The following ATXN1 variants were observed in gnomAD, a reference collection of about 807,000 sequenced individuals.
ATXN1 encodes the protein ataxin-1.
In ATXN1, 8 loss-of-function variants were observed where a neutral mutation model predicts 56.4. The ratio of observed to expected loss-of-function variants is 0.14; its 90% CI spans 0.08 to 0.26. The LOEUF (loss-of-function observed/expected upper bound fraction) is 0.26, where lower values mean the gene tolerates loss of function less well. Among genes scored for constraint, ATXN1 ranks in the 10% least tolerant of loss-of-function variants. The pLI is 1.00. For missense variants in ATXN1, 987 were observed against 1,106.5 expected, an observed-to-expected ratio of 0.89 and a Z score of 1.53; for synonymous variants, 514 against 494.6, an observed-to-expected ratio of 1.04 and a Z score of -0.52.
intron 3 of ATXN1, among the ~76,000 whole-genome samples, chr6:16,589,269 C>A (rs955844069): frequency 9.2e-5 from 14 of 152,242 alleles, no homozygotes; most frequent in African/African-American, 2.9e-4. Flanking sequence ...GTCCATCTCT[C>A]CCACCACAAC....
chr6:16,413,081 A>C (rs1758831477), intron 6 of ATXN1, among the ~76,000 whole-genome samples: 1 of 152,224 alleles, frequency 6.6e-6, no homozygotes, highest in Non-Finnish European at 1.5e-5. Flanking sequence ...GAAATGAAGA[A>C]AGGGGAAGGG....
intron 5 of ATXN1, among the ~76,000 whole-genome samples, chr6:16,500,903 TAGACA>T (rs1466476908): frequency 6.6e-6 from 1 of 152,224 alleles, no homozygotes; most frequent in Non-Finnish European, 1.5e-5. Context: ...GTTCTTATAA[TAGACA>T]AGACACAATT....
At position 16,324,233 on chromosome 6, in the gene ATXN1, A is replaced by G. The variant is rs371469830; in HGVS notation, c.1917+2161T>C. Among the ~76,000 whole-genome samples, 60 of 152,282 alleles carry G rather than the reference A, an allele frequency of 3.9e-4. No individual in the cohort carries two copies. In the East Asian group the frequency reaches 9.3e-3, roughly 24 times the overall value. On this transcript the variant is annotated intron_variant, in intron 7 of 7. Transcript: ENST00000436367. Reference sequence around the variant, plus strand: ...GAGGTGGAAGGACTGCTTGGAGCCCAGGAGTTTGAGACCAGCCTAGGCAAC... The same window carrying G: ...GAGGTGGAAGGACTGCTTGGAGCCCGGGAGTTTGAGACCAGCCTAGGCAAC...
chr6:16,545,096 T>C (rs1191101535), intron 4 of ATXN1, among the ~76,000 whole-genome samples: 2 of 152,218 alleles, frequency 1.3e-5, no homozygotes, highest in Non-Finnish European at 2.9e-5. Context: ...TGGGATTTTT[T>C]TTCAACTTCC....
chr6:16,413,463 T>C (rs1303290546), intron 6 of ATXN1, among the ~76,000 whole-genome samples: 1 of 152,220 alleles, frequency 6.6e-6, no homozygotes, highest in East Asian at 1.9e-4. Flanking sequence ...GTTTGACCTT[T>C]GTGCCGTGGG....
intron 5 of ATXN1, among the ~76,000 whole-genome samples, chr6:16,521,004 A>C (rs1052001511): frequency 6.6e-6 from 1 of 152,218 alleles, no homozygotes; most frequent in African/African-American, 2.4e-5. Flanking sequence ...TAATAAACAC[A>C]AGCTCTTAAT....
intron 6 of ATXN1, among the ~76,000 whole-genome samples, chr6:16,470,924 G>A (rs892447391): frequency 1.3e-5 from 2 of 152,108 alleles, no homozygotes; most frequent in Non-Finnish European, 1.5e-5. Flanking sequence ...CTTAATGTGA[G>A]TGTCTCAACA....
At chr6:16,317,719 T>C (rs1760547210) in intron 7 of ATXN1, among the ~76,000 whole-genome samples, 1 of 149,990 alleles carries the variant, frequency 6.7e-6, no homozygotes, top group Non-Finnish European at 1.5e-5. Flanking sequence ...GTGGACCGCC[T>C]CCCACCCTCC....
chr6:16,400,267 T>C (rs1267676246), intron 6 of ATXN1, among the ~76,000 whole-genome samples: 1 of 152,224 alleles, frequency 6.6e-6, no homozygotes, highest in Non-Finnish European at 1.5e-5. Flanking sequence ...CCTCAGAACA[T>C]TCTCTCCAAC....
intron 4 of ATXN1, among the ~76,000 whole-genome samples, chr6:16,551,489 G>A (rs568215108): frequency 6.6e-6 from 1 of 152,306 alleles, no homozygotes; most frequent in Non-Finnish European, 1.5e-5. Context: ...ATTGCGGTTG[G>A]AGGTGTATGT....
rs138921826 is a variant in ATXN1, at chr6:16,326,341, T to G, written c.1917+53A>C. The G allele has an allele frequency of 2.7e-4, 427 of 1,595,936 alleles. 3 individuals are homozygous for G. The East Asian group carries it at 8.7e-3, about 32-fold the overall frequency. ...AGCAATTCGTCTTGCCAGGAGATGA[T>G]GATGGCATCACGGTGTGGTGTCCCA... On this transcript the variant is annotated intron_variant, in intron 7 of 7. Coordinates refer to ENST00000436367, the MANE Select transcript of ATXN1 (RefSeq NM_001128164.2). This position sits in a 1 kb window ranked among gnomAD's most constrained non-coding sequence, Gnocchi z 6.6.
At chr6:16,754,330 T>C (rs539952086) in intron 1 of ATXN1, among the ~76,000 whole-genome samples, 6 of 152,298 alleles carry the variant, frequency 3.9e-5, no homozygotes, top group Admixed American at 3.3e-4. Context: ...CTTAGGCTGA[T>C]TTTAAACTTA....
At chr6:16,526,835 G>A (rs779411921) in intron 4 of ATXN1, among the ~76,000 whole-genome samples, 7 of 151,556 alleles carry the variant, frequency 4.6e-5, no homozygotes, top group South Asian at 2.1e-4. Context: ...TTAAAGACTC[G>A]GGATAATGGG....
At chr6:16,377,620 C>G (rs1762169656) in intron 6 of ATXN1, among the ~76,000 whole-genome samples, 1 of 152,024 alleles carries the variant, frequency 6.6e-6, no homozygotes, top group Non-Finnish European at 1.5e-5. Context: ...CTGGGGGTAG[C>G]TGAATGGTGC....
At chr6:16,739,729 A>T (rs1373283355) in intron 2 of ATXN1, 1 of 439,406 alleles carries the variant, frequency 2.3e-6, no homozygotes, top group South Asian at 1.6e-5. Flanking sequence ...ATTCTCAGGG[A>T]TGTCGTCCAA....
chr6:16,671,876 C>T (rs1181473239), intron 2 of ATXN1, among the ~76,000 whole-genome samples: 1 of 152,200 alleles, frequency 6.6e-6, no homozygotes, highest in Non-Finnish European at 1.5e-5. Flanking sequence ...AACTTAAGTA[C>T]ATGTTTATTC....
intron 4 of ATXN1, among the ~76,000 whole-genome samples, chr6:16,568,583 G>A (rs569500103): frequency 6.6e-6 from 1 of 152,270 alleles, no homozygotes; most frequent in Non-Finnish European, 1.5e-5. Flanking sequence ...CCATGAGCAG[G>A]GGACAGGAGG....
intron 2 of ATXN1, among the ~76,000 whole-genome samples, chr6:16,726,535 T>C (rs938411536): frequency 1.3e-5 from 2 of 152,224 alleles, no homozygotes; most frequent in Middle Eastern, 3.4e-3. Context: ...AAATGCAAAT[T>C]ACTAAGACCT....
At chr6:16,624,506 T>C (rs1763374167) in intron 3 of ATXN1, among the ~76,000 whole-genome samples, 1 of 152,186 alleles carries the variant, frequency 6.6e-6, no homozygotes, top group African/African-American at 2.4e-5. Flanking sequence ...GGTTTATTTA[T>C]TTACTTAAAA....
Sources: gnomAD v4.1 joint callset for allele counts (sites outside exome capture counted in the v4.1 genomes callset) on GRCh38, gnomAD v4.1.1 for gene constraint, Gnocchi (gnomAD v3.1) non-coding constraint, MANE v1.5 for transcripts, NCBI Gene and HGNC (gene_info 2026-07-23, HGNC 2026-07-21) for gene names.